The following OR5A1 variants were observed in gnomAD, a reference collection of about 807,000 sequenced individuals.
The protein encoded by OR5A1 is olfactory receptor family 5 subfamily A member 1.
In OR5A1, 6 loss-of-function variants were observed where a neutral mutation model predicts 6.7. That is an observed-to-expected ratio of 0.89 (90% CI 0.49 to 1.76). The LOEUF (loss-of-function observed/expected upper bound fraction) is 1.76, where lower values mean the gene tolerates loss of function less well. OR5A1 is among the 40% of genes most tolerant of loss of function. OR5A1 has a pLI of 0.01. For missense variants in OR5A1, 378 were observed against 381.7 expected, an observed-to-expected ratio of 0.99 and a Z score of 0.08; for synonymous variants, 170 against 155.0, an observed-to-expected ratio of 1.10 and a Z score of -0.72.
At chr11:59,439,407 A>G (rs1858457316) in intron 1 of OR5A1, among the ~76,000 whole-genome samples, 1 of 152,170 alleles carries the variant, frequency 6.6e-6, no homozygotes, top group South Asian at 2.1e-4. Flanking sequence ...GCTCTGTAAA[A>G]TAGACCTGGT....
Position 59,446,174 on chromosome 11 carries a change from A to T in OR5A1, c.*2058A>T, listed in dbSNP as rs1858547124. ...GTTAATTTTTGTATAAAGTTTAAGG[A>T]ACTGGTCCATTTTCAATTTTCTGTA... On this transcript the variant is annotated 3_prime_UTR_variant, in exon 2 of 2. Coordinates refer to ENST00000641045, the MANE Select transcript of OR5A1 (RefSeq NM_001004728.2). 1 of 152,196 alleles carries T rather than the reference A, an allele frequency of 6.6e-6. No homozygotes were observed. The highest frequency in any genetic ancestry group is 1.5e-5 in the Non-Finnish European group (1 of 68,028). The allele number at this position is 152,196 out of a possible 1,614,324, so 9.4% of individuals were successfully genotyped here. A position where few individuals can be genotyped will look rare whatever the true frequency, so the allele number is the denominator to read the frequency against.
chr11:59,441,938 TGATAGATAGATAGATAGATA>T (rs3033264), intron 1 of OR5A1, among the ~76,000 whole-genome samples: 90 of 148,114 alleles, frequency 6.1e-4, no homozygotes, highest in Admixed American at 1.0e-3. Flanking sequence ...GATAGAGAGA[TGATAGATAGATAGATAGATA>T]GATAGATAGA....
Position 59,445,537 on chromosome 11 carries a change from G to T in OR5A1, c.*1421G>T, listed in dbSNP as rs1858537538. The T allele has an allele frequency of 6.6e-6, 1 of 152,102 alleles. No homozygotes were observed. The highest frequency in any genetic ancestry group is 1.5e-5 in the Non-Finnish European group (1 of 68,020). 9.4% of individuals were successfully genotyped at this position (152,102 alleles called of 1,614,324 possible). A position where few individuals can be genotyped will look rare whatever the true frequency, so the allele number is the denominator to read the frequency against. On this transcript the variant is annotated 3_prime_UTR_variant, in exon 2 of 2. Coordinates refer to ENST00000641045, the MANE Select transcript of OR5A1 (RefSeq NM_001004728.2). ...TGGATATATACCCAGTAATAAGATT[G>T]CTGGGTCAAATGATATTTCCATTTC...
chr11:59,441,669 T>C (rs1163951277), intron 1 of OR5A1, among the ~76,000 whole-genome samples: 4 of 152,180 alleles, frequency 2.6e-5, no homozygotes, highest in Non-Finnish European at 5.9e-5. Context: ...TCAGTGTGGC[T>C]GTGTGAGGGG....
intron 1 of OR5A1, among the ~76,000 whole-genome samples, chr11:59,439,452 T>C (rs1251794988): frequency 6.6e-6 from 1 of 152,140 alleles, no homozygotes; most frequent in Non-Finnish European, 1.5e-5. Flanking sequence ...TATCATAGAA[T>C]TGTAGGGAGT....
rs1858598526 is a variant in OR5A1, at chr11:59,449,976, A to G, written c.*5860A>G. ...GGAAAAGGCAGACACACATAGACCCATAAAGGCAAGGAGTAAAAAGTGCTA... is the reference window on the plus strand; with the variant it reads ...GGAAAAGGCAGACACACATAGACCCGTAAAGGCAAGGAGTAAAAAGTGCTA... On this transcript the variant is annotated 3_prime_UTR_variant, in exon 2 of 2. Transcript: ENST00000641045. 1 of 152,226 alleles carries G rather than the reference A, an allele frequency of 6.6e-6. No individual in the cohort carries two copies. Among genetic ancestry groups the G allele is most frequent in the Non-Finnish European group, 1.5e-5 (1 of 68,042 alleles). 9.4% of individuals were successfully genotyped at this position (152,226 alleles called of 1,614,324 possible).
intron 1 of OR5A1, among the ~76,000 whole-genome samples, chr11:59,438,338 G>A (rs1858445184): frequency 6.6e-6 from 1 of 152,100 alleles, no homozygotes; most frequent in African/African-American, 2.4e-5. Flanking sequence ...TAAATGTTCA[G>A]TAGCATTTTT....
chr11:59,443,375 A>T lies in OR5A1; in HGVS notation c.207A>T (p.Leu69Phe). ...CCATGTACTTCTTCCTAAGCAACTTATCTTTCATTGACATCTGCTACTCTT... is the reference window on the plus strand; with the variant it reads ...CCATGTACTTCTTCCTAAGCAACTTTTCTTTCATTGACATCTGCTACTCTT... Reference protein sequence around the residue: ...HTPMYFFLSNLSFIDICYSSA... With the variant: ...HTPMYFFLSNFSFIDICYSSA... The change falls in exon 2 of 2, where the codon TTA (leucine) becomes TTT (phenylalanine). Residue 69 changes from leucine (L) to phenylalanine (F), a missense_variant. Leu to Phe is a conservative substitution (Grantham distance 22). Coordinates refer to ENST00000641045, the MANE Select transcript of OR5A1 (RefSeq NM_001004728.2). The T allele has an allele frequency of 6.2e-7, 1 of 1,613,716 alleles. No homozygotes were observed. The highest frequency in any genetic ancestry group is 2.2e-5 in the East Asian group (1 of 44,878).
rs189214217 is a variant in OR5A1 at position 59,447,584 on chromosome 11, G to A, written c.*3468G>A. The stretch of plus-strand genomic sequence containing the variant: ...TTCAAGAAAGAATATGAGAAGGAGA[G>A]ATTGTCTGATCCTCACCCCTATTTG... On this transcript the variant is annotated 3_prime_UTR_variant, in exon 2 of 2. Coordinates refer to ENST00000641045, the MANE Select transcript of OR5A1 (RefSeq NM_001004728.2). 6.6e-6 allele frequency: 1 copy of A among 152,234 alleles called. No homozygotes were observed. Among genetic ancestry groups the A allele is most frequent in the South Asian group, 2.1e-4 (1 of 4,826 alleles). 9.4% of individuals were successfully genotyped at this position (152,234 alleles called of 1,614,324 possible).
At position 59,443,709 on chromosome 11, in the gene OR5A1, T is replaced by G; in HGVS notation, c.541T>G (p.Phe181Val). ...CGGACCCAACATCATCAACCACTTC[T>G]TCTGCGACCTCCCACCAGTCCTGGC... ...FCGPNIINHF[F>V]CDLPPVLALS... is the part of the protein sequence containing the mutation. Residue 181 changes from phenylalanine (F) to valine (V), a missense_variant, in exon 2 of 2, where the codon TTC becomes GTC. Physicochemically the swap from Phe to Val is conservative, Grantham distance 50. Coordinates refer to ENST00000641045, the MANE Select transcript of OR5A1 (RefSeq NM_001004728.2). 1.2e-6 allele frequency: 2 copies of G among 1,614,118 alleles called. No homozygotes were observed. The highest frequency in any genetic ancestry group is 1.1e-5 in the South Asian group (1 of 91,076).
intron 1 of OR5A1, among the ~76,000 whole-genome samples, chr11:59,440,875 ACT>A (rs1452270185): frequency 2.6e-5 from 4 of 152,144 alleles, no homozygotes; most frequent in Non-Finnish European, 2.9e-5. Context: ...AATATCTAAA[ACT>A]CTGCACAAAT....
In OR5A1 at chr11:59,446,968, T is replaced by A. The variant is rs1858556996; in HGVS notation, c.*2852T>A. ...TCTTCATCCTCTAAATTCATTCCCA[T>A]CCACGGCCAATAAAACGTAGAATGA... On this transcript the variant is annotated 3_prime_UTR_variant, in exon 2 of 2. Transcript: ENST00000641045. The A allele has an allele frequency of 6.6e-6, 1 of 152,172 alleles. No individual in the cohort carries two copies. Among genetic ancestry groups the A allele is most frequent in the Non-Finnish European group, 1.5e-5 (1 of 68,014 alleles). The allele number at this position is 152,172 out of a possible 1,614,324, so 9.4% of individuals were successfully genotyped here. A position where few individuals can be genotyped will look rare whatever the true frequency, so the allele number is the denominator to read the frequency against.
rs537331376 is a variant in OR5A1 at position 59,436,620 on chromosome 11, A to G, written c.-249A>G. On this transcript the variant is annotated 5_prime_UTR_variant, in exon 1 of 2. It adds an upstream start codon to the 5' untranslated region. Coordinates refer to ENST00000641045, the MANE Select transcript of OR5A1 (RefSeq NM_001004728.2). ...ATTACAACCTCCATCCTTTCTTTAT[A>G]TATCTTTTTCTTCCTTTACTCTGCC... The G allele has an allele frequency of 1.2e-4, 18 of 152,256 alleles. No individual in the cohort carries two copies. The South Asian group carries it at 3.7e-3, about 32-fold the overall frequency. The allele number at this position is 152,256 out of a possible 1,614,324, so 9.4% of individuals were successfully genotyped here.
chr11:59,437,825 A>G (rs1858436342), intron 1 of OR5A1, among the ~76,000 whole-genome samples: 1 of 152,234 alleles, frequency 6.6e-6, no homozygotes, highest in Admixed American at 6.5e-5. Context: ...GTTGTATACG[A>G]TAAGCTGGAC....
At chr11:59,437,236 G>A (rs1858426573) in intron 1 of OR5A1, among the ~76,000 whole-genome samples, 2 of 152,072 alleles carry the variant, frequency 1.3e-5, no homozygotes, top group African/African-American at 4.8e-5. Flanking sequence ...TGTGTATTCC[G>A]TGGGTTTGGG....
At chr11:59,441,934 GAGATGATAGATAGAT>G (rs1565074702) in intron 1 of OR5A1, among the ~76,000 whole-genome samples, 1 of 142,048 alleles carries the variant, frequency 7.0e-6, no homozygotes, top group African/African-American at 2.6e-5. Context: ...GATGGATAGA[GAGATGATAGATAGAT>G]AGATAGATAG....
Position 59,448,467 on chromosome 11 carries a change from C to A in OR5A1, c.*4351C>A, listed in dbSNP as rs1858578039. 6.6e-6 allele frequency: 1 copy of A among 152,008 alleles called. No individual in the cohort carries two copies. Among genetic ancestry groups the A allele is most frequent in the South Asian group, 2.1e-4 (1 of 4,818 alleles). 9.4% of individuals were successfully genotyped at this position (152,008 alleles called of 1,614,324 possible). A position where few individuals can be genotyped will look rare whatever the true frequency, so the allele number is the denominator to read the frequency against. On this transcript the variant is annotated 3_prime_UTR_variant, in exon 2 of 2. Transcript: ENST00000641045. ...TCTTTATGATGACGTTGGTCTCATC[C>A]AATGCTTGGATCTTACAGGATTATT...
In OR5A1 at chr11:59,443,808, T is replaced by C; in HGVS notation, c.640T>C (p.Phe214Leu). 1.2e-6 allele frequency: 2 copies of C among 1,614,100 alleles called. No homozygotes were observed. Among genetic ancestry groups the C allele is most frequent in the Non-Finnish European group, 1.7e-6 (2 of 1,180,010 alleles). Residue 214 changes from phenylalanine to leucine, a missense_variant, in exon 2 of 2, where the codon TTC becomes CTC. Coordinates refer to ENST00000641045, the MANE Select transcript of OR5A1 (RefSeq NM_001004728.2). ...LVVVTVGGTS[F>L]LQLLISYGYI... ...GGTGGTCACTGTCGGAGGAACATCG[T>C]TCCTCCAACTCCTTATCTCCTATGG...
At chr11:59,438,684 C>T (rs1590611607) in intron 1 of OR5A1, among the ~76,000 whole-genome samples, 1 of 152,170 alleles carries the variant, frequency 6.6e-6, no homozygotes, top group African/African-American at 2.4e-5. Context: ...CTTCTATGCC[C>T]TTACACACAG....
Sources: allele counts gnomAD v4.1 joint callset (sites outside exome capture counted in the v4.1 genomes callset), GRCh38; gene constraint gnomAD v4.1.1; transcripts MANE v1.5; gene names NCBI Gene and HGNC (gene_info 2026-07-23, HGNC 2026-07-21).